GAGE10: variants seen among roughly 807,000 people sequenced by gnomAD.
The protein encoded by GAGE10 is G antigen 10.
GAGE10 carries 9 observed loss-of-function variants against 11.5 expected under a neutral mutation model. The ratio of observed to expected loss-of-function variants is 0.78; its 90% CI spans 0.47 to 1.37. The LOEUF is 1.37. GAGE10 is among the 40% of genes most tolerant of loss of function. The pLI is 0.00. For synonymous variants in GAGE10, 23 were observed against 29.7 expected (o/e 0.77, Z 0.73); for missense variants, 83 against 92.9 (o/e 0.89, Z 0.44).
intron 3 of GAGE10, among the ~76,000 whole-genome samples, chrX:49,316,367 G>A (rs1263877950): frequency 1.7e-4 from 19 of 111,771 alleles, no homozygotes; most frequent in African/African-American, 4.6e-4. Flanking sequence ...TCTGTAATAC[G>A]CTTCCCCTGC....
chrX:49,313,534 AG>A (rs2066382106), intron 3 of GAGE10, among the ~76,000 whole-genome samples: 1 of 111,906 alleles, frequency 8.9e-6, no homozygotes, highest in African/African-American at 3.3e-5. Context: ...GGAGGTGCAT[AG>A]CTGGGTAAGG....
chrX:49,309,170 C>G (rs79370974), intron 3 of GAGE10, among the ~76,000 whole-genome samples: 6 of 111,224 alleles, frequency 5.4e-5, no homozygotes, highest in African/African-American at 1.6e-4. Flanking sequence ...TCTAGTGGAC[C>G]CGAGAGTGAA....
chrX:49,313,760 A>G (rs1349057950), intron 3 of GAGE10, among the ~76,000 whole-genome samples: 1 of 111,610 alleles, frequency 9.0e-6, no homozygotes, highest in African/African-American at 3.3e-5. Flanking sequence ...ACTCCCGACG[A>G]TGACCAGTGG....
chrX:49,307,505 GTCTC>G (rs2066361781), intron 3 of GAGE10, among the ~76,000 whole-genome samples: 1 of 106,674 alleles, frequency 9.4e-6, no homozygotes, highest in Non-Finnish European at 1.9e-5. Context: ...TTGAGACGGA[GTCTC>G]TCTCTGTTGC....
intron 3 of GAGE10, among the ~76,000 whole-genome samples, chrX:49,313,755 C>T (rs1226463946): frequency 2.7e-5 from 3 of 111,561 alleles, no homozygotes; most frequent in African/African-American, 6.5e-5. Context: ...CAGTGACTCC[C>T]GACGATGACC....
intron 3 of GAGE10, among the ~76,000 whole-genome samples, chrX:49,310,890 C>T (rs782240271): frequency 1.8e-5 from 2 of 111,447 alleles, no homozygotes; most frequent in East Asian, 2.8e-4. Flanking sequence ...GCCAAATTGT[C>T]GAGTGCCCTT....
rs1244697730 is a variant in GAGE10, at chrX:49,303,755, T to C, written c.-9+2T>C. The C allele has an allele frequency of 8.8e-6, 1 of 113,029 alleles. No individual in the cohort carries two copies. Among genetic ancestry groups the C allele is most frequent in the African/African-American group, 3.2e-5 (1 of 30,992 alleles). The allele number at this position is 113,029 out of a possible 1,213,427, so 9.3% of individuals were successfully genotyped here. On this transcript the variant is annotated splice_donor_variant, in intron 1 of 4. Transcript: ENST00000407599. LOFTEE classifies it low-confidence loss of function (5UTR_SPLICE). ...TTTTCCTCTACTGAGATTCATCTGG[T>C]AGGTCTGCAGGCCAGTCCTCCCGGG...
In GAGE10 at chrX:49,306,419, A is replaced by C. The variant is rs782002950; in HGVS notation, c.202+895A>C. ...ACGGGGTTCATTTATGGAATATTAC[A>C]TTTAGGACCTTTGGACCTAAATATA... On this transcript the variant is annotated intron_variant, in intron 3 of 4. Transcript: ENST00000407599. Among the ~76,000 whole-genome samples, 205 of 112,187 alleles carry C rather than the reference A, an allele frequency of 1.8e-3. 2 individuals are homozygous for C. The highest frequency in any genetic ancestry group is 1.4e-3 in the East Asian group (5 of 3,581).
intron 3 of GAGE10, among the ~76,000 whole-genome samples, chrX:49,315,156 G>T (rs185384950): frequency 6.2e-5 from 7 of 112,026 alleles, no homozygotes; most frequent in African/African-American, 1.6e-4. Flanking sequence ...GGCCTATATT[G>T]GATCTGTGGC....
chrX:49,317,330 T>C (rs1557125422), intron 4 of GAGE10, 42 bp downstream of exon 4: 1 of 1,169,023 alleles, frequency 8.6e-7, no homozygotes, highest in African/African-American at 1.8e-5. Context: ...GGTGTCTGTT[T>C]CCACAGTATC....
intron 3 of GAGE10, among the ~76,000 whole-genome samples, chrX:49,310,792 G>T (rs1282585331): frequency 1.8e-5 from 2 of 111,227 alleles, no homozygotes; most frequent in Admixed American, 9.5e-5. Flanking sequence ...ATCGTAGGGG[G>T]TACAGGGGCC....
chrX:49,303,995 G>A (rs1272465908), intron 1 of GAGE10, among the ~76,000 whole-genome samples: 6 of 112,120 alleles, frequency 5.4e-5, no homozygotes, highest in Non-Finnish European at 1.1e-4. Context: ...GAAGGGGCCA[G>A]GACAAGGAGG....
chrX:49,317,413 T>C lies in GAGE10; in HGVS notation c.328+125T>C. ...ACCAGGCTGGAGTGCAGTGGTGGCA[T>C]CTCGGCTCATTGGAAATTCCGCCTT... On this transcript the variant is annotated intron_variant, in intron 4 of 4. Transcript: ENST00000407599. 4 of 1,016,529 alleles carry C rather than the reference T, an allele frequency of 3.9e-6. No individual in the cohort carries two copies. The South Asian group carries it at 6.6e-5, about 17-fold the overall frequency. The allele number at this position is 1,016,529 out of a possible 1,213,427, so 83.8% of individuals were successfully genotyped here. A position where few individuals can be genotyped will look rare whatever the true frequency, so the allele number is the denominator to read the frequency against.
chrX:49,310,612 A>C (rs183407037), intron 3 of GAGE10, among the ~76,000 whole-genome samples: 1 of 111,389 alleles, frequency 9.0e-6, no homozygotes, highest in Non-Finnish European at 1.9e-5. Context: ...CGGGGGGCCG[A>C]GAATTTAGCA....
chrX:49,314,473 A>C (rs2147988109), intron 3 of GAGE10, among the ~76,000 whole-genome samples: 1 of 112,589 alleles, frequency 8.9e-6, no homozygotes, highest in African/African-American at 3.2e-5. Flanking sequence ...ATGTCAACCA[A>C]ACCAAATTGT....
At chrX:49,311,671 G>A (rs782459435) in intron 3 of GAGE10, among the ~76,000 whole-genome samples, 1 of 112,512 alleles carries the variant, frequency 8.9e-6, no homozygotes, top group African/African-American at 3.2e-5. Context: ...AAGCCCTGGC[G>A]CTAGGGTTGC....
intron 3 of GAGE10, among the ~76,000 whole-genome samples, chrX:49,310,739 TA>T (rs1169475514): frequency 1.9e-5 from 2 of 103,440 alleles, no homozygotes; most frequent in Non-Finnish European, 3.8e-5. Flanking sequence ...TTCTCTGTGG[TA>T]ACCCACCCGA....
intron 3 of GAGE10, among the ~76,000 whole-genome samples, chrX:49,315,653 T>G (rs1557125138): frequency 8.9e-6 from 1 of 112,620 alleles, no homozygotes; most frequent in African/African-American, 3.2e-5. Context: ...TTTAACCAAC[T>G]GTTGCCTAGA....
chrX:49,314,418 C>G (rs2066384642), intron 3 of GAGE10, among the ~76,000 whole-genome samples: 1 of 112,618 alleles, frequency 8.9e-6, no homozygotes, highest in African/African-American at 3.2e-5. Context: ...TACACTAACA[C>G]AGCTCTAACA....
Sources: allele counts gnomAD v4.1 joint callset (sites outside exome capture counted in the v4.1 genomes callset), GRCh38; gene constraint gnomAD v4.1.1; transcripts MANE v1.5; gene names NCBI Gene and HGNC (gene_info 2026-07-23, HGNC 2026-07-21).